FAM81A: variants seen among roughly 807,000 people sequenced by gnomAD.
FAM81A encodes protein FAM81A.
In FAM81A, 19 loss-of-function variants were observed where a neutral mutation model predicts 46.7. That is an observed-to-expected ratio of 0.41 (90% CI 0.28 to 0.60). The LOEUF (loss-of-function observed/expected upper bound fraction) is 0.60. Among genes scored for constraint, FAM81A ranks in the 20% least tolerant of loss-of-function variants. The probability of loss-of-function intolerance (pLI) is 0.34; values close to 1 mark genes in which losing one functional copy is unlikely to be tolerated. For missense variants in FAM81A, 377 were observed against 453.5 expected (o/e 0.83, Z 1.53); for synonymous variants, 183 against 152.9 (o/e 1.20, Z -1.45).
At position 59,521,126 on chromosome 15, in the gene FAM81A, T is replaced by C. The variant is rs962782060; in HGVS notation, c.983-128T>C. ...GAAACTCACCTGTTCCCCATCATAC[T>C]TTCATCCCAGAGGTTTTAGCATCTA... On this transcript the variant is annotated intron_variant, in intron 8 of 8. Coordinates refer to ENST00000288228, the MANE Select transcript of FAM81A (RefSeq NM_152450.3). The C allele has an allele frequency of 3.8e-6, 4 of 1,062,850 alleles. No homozygotes were observed. In the East Asian group the frequency reaches 8.5e-5, roughly 22 times the overall value. The allele number at this position is 1,062,850 out of a possible 1,614,324, so 65.8% of individuals were successfully genotyped here.
intron 2 of FAM81A, among the ~76,000 whole-genome samples, chr15:59,428,404 T>G (rs2081204235): frequency 7.1e-6 from 1 of 141,432 alleles, no homozygotes; most frequent in South Asian, 2.3e-4. Flanking sequence ...GTCCTGAGAA[T>G]TCTTTTTGAT....
At chr15:59,462,158 A>G (rs1407104783) in intron 3 of FAM81A, among the ~76,000 whole-genome samples, 3 of 150,450 alleles carry the variant, frequency 2.0e-5, no homozygotes, top group African/African-American at 7.4e-5. Flanking sequence ...AGCCAAGACC[A>G]TGCCACTGCC....
chr15:59,447,683 T>C (rs570357888), intron 1 of FAM81A, among the ~76,000 whole-genome samples: 1 of 152,176 alleles, frequency 6.6e-6, no homozygotes, highest in Non-Finnish European at 1.5e-5. Context: ...ACAGCCCTCT[T>C]CCTCCTTCTT....
chr15:59,477,877 G>A (rs1044361276), intron 3 of FAM81A, among the ~76,000 whole-genome samples: 5 of 152,136 alleles, frequency 3.3e-5, no homozygotes, highest in South Asian at 2.1e-4. Flanking sequence ...GTCTGTTAGC[G>A]GTTTGCCTTG....
intron 2 of FAM81A, among the ~76,000 whole-genome samples, chr15:59,423,951 T>C (rs1462209701): frequency 6.6e-6 from 1 of 152,224 alleles, no homozygotes; most frequent in Non-Finnish European, 1.5e-5. Flanking sequence ...ACATCATTTC[T>C]TTCTGGCTAC....
intron 1 of FAM81A, chr15:59,439,123 T>G (rs1267563080): frequency 6.6e-6 from 1 of 152,048 alleles, no homozygotes; most frequent in Non-Finnish European, 1.5e-5. Flanking sequence ...CGTGTGTGTG[T>G]GTGCGTGTGT....
intron 1 of FAM81A, chr15:59,446,726 G>A (rs2081357667): frequency 6.6e-6 from 1 of 152,136 alleles, no homozygotes; most frequent in Admixed American, 6.5e-5. Flanking sequence ...ATACTGTGCT[G>A]GCATCACTCC....
intron 2 of FAM81A, among the ~76,000 whole-genome samples, chr15:59,425,871 T>G (rs2081192604): frequency 6.6e-6 from 1 of 152,232 alleles, no homozygotes; most frequent in African/African-American, 2.4e-5. Flanking sequence ...GCGATCCTCC[T>G]GTCTTGGCCT....
Position 59,523,350 on chromosome 15 carries a change from C to G in FAM81A, c.*1972C>G, listed in dbSNP as rs529812360. ...TGATGCCCCGCTGTGCCTCCCAGAC[C>G]GATTAAGTCAGAACCTCTGGGAGGT... On this transcript the variant is annotated 3_prime_UTR_variant, in exon 9 of 9. Transcript: ENST00000288228. 1 of 152,198 alleles carries G rather than the reference C, an allele frequency of 6.6e-6. No homozygotes were observed. The highest frequency in any genetic ancestry group is 2.4e-5 in the African/African-American group (1 of 41,428). The allele number at this position is 152,198 out of a possible 1,614,324, so 9.4% of individuals were successfully genotyped here.
intron 2 of FAM81A, among the ~76,000 whole-genome samples, chr15:59,419,327 T>C (rs1366738714): frequency 6.6e-6 from 1 of 152,196 alleles, no homozygotes; most frequent in Non-Finnish European, 1.5e-5. Context: ...CAATAAGAGA[T>C]ATTAAATAAC....
intron 4 of FAM81A, among the ~76,000 whole-genome samples, chr15:59,503,803 C>A (rs1596537310): frequency 6.6e-6 from 1 of 152,236 alleles, no homozygotes; most frequent in East Asian, 1.9e-4. Flanking sequence ...AAACTCCTGG[C>A]CTCAAGTGAT....
intron 3 of FAM81A, among the ~76,000 whole-genome samples, chr15:59,490,697 A>G (rs567521080): frequency 7.9e-5 from 12 of 152,206 alleles, no homozygotes; most frequent in African/African-American, 2.6e-4. Flanking sequence ...TTAGCCTGGC[A>G]TGGTGATGCA....
At chr15:59,472,306 C>A (rs2081703934) in intron 3 of FAM81A, among the ~76,000 whole-genome samples, 1 of 152,056 alleles carries the variant, frequency 6.6e-6, no homozygotes, top group Non-Finnish European at 1.5e-5. Context: ...CCGGGGTACT[C>A]CAGCATGGGT....
In FAM81A at chr15:59,460,308, AT is replaced by A; in HGVS notation, c.294+105del. 6.9e-7 allele frequency: 1 copy of A among 1,443,842 alleles called. No homozygotes were observed. Among genetic ancestry groups the A allele is most frequent in the Non-Finnish European group, 9.7e-7 (1 of 1,029,532 alleles). The allele number at this position is 1,443,842 out of a possible 1,614,324, so 89.4% of individuals were successfully genotyped here. A position where few individuals can be genotyped will look rare whatever the true frequency, so the allele number is the denominator to read the frequency against. On this transcript the variant is annotated intron_variant, in intron 3 of 8. Coordinates refer to ENST00000288228, the MANE Select transcript of FAM81A (RefSeq NM_152450.3). The surrounding 1 kb of genome is among the most constrained non-coding windows in gnomAD (Gnocchi z 4.4). ...ACTCCTACCTCCCAGGCAGTACTGC[AT>A]TTAGAACAAAGCTGTCTGTCTTGTC...
intron 2 of FAM81A, among the ~76,000 whole-genome samples, chr15:59,431,902 C>T (rs1299506268): frequency 1.3e-5 from 2 of 152,182 alleles, no homozygotes; most frequent in African/African-American, 4.8e-5. Flanking sequence ...GAGAATCCTG[C>T]AACCCTTTCA....
At chr15:59,444,508 C>G (rs1190036638) in intron 1 of FAM81A, among the ~76,000 whole-genome samples, 1 of 152,190 alleles carries the variant, frequency 6.6e-6, no homozygotes, top group Middle Eastern at 3.4e-3. Context: ...TAAAAATGGC[C>G]CATCTAGTTC....
chr15:59,517,110 G>C (rs1021671901), intron 8 of FAM81A, among the ~76,000 whole-genome samples: 2 of 151,914 alleles, frequency 1.3e-5, no homozygotes, highest in Non-Finnish European at 2.9e-5. Flanking sequence ...CAGCACCATC[G>C]GCCAATTCTT....
chr15:59,407,546 C>T (rs528270458), intron 2 of FAM81A: 43 of 154,836 alleles, frequency 2.8e-4, no homozygotes, highest in South Asian at 1.7e-3. Flanking sequence ...CTGCCTGCCT[C>T]GGCCTCCCAA....
In FAM81A at chr15:59,460,740, G is replaced by A; in HGVS notation, c.294+534G>A. 5.1e-6 allele frequency: 1 copy of A among 194,972 alleles called. No individual in the cohort carries two copies. The highest frequency in any genetic ancestry group is 1.3e-4 in the East Asian group (1 of 7,498). The allele number at this position is 194,972 out of a possible 1,614,324, so 12.1% of individuals were successfully genotyped here. A position where few individuals can be genotyped will look rare whatever the true frequency, so the allele number is the denominator to read the frequency against. On this transcript the variant is annotated intron_variant, in intron 3 of 8. Transcript: ENST00000288228. The surrounding 1 kb of genome is among the most constrained non-coding windows in gnomAD (Gnocchi z 4.4). ...GCCAATATTGTCTATTTTTAGAATT[G>A]GTAGATTTACTGCTATTTATTGAGC... is the stretch of plus-strand genomic sequence containing the variant.
Sources: gnomAD v4.1 joint callset for allele counts (sites outside exome capture counted in the v4.1 genomes callset) on GRCh38, gnomAD v4.1.1 for gene constraint, Gnocchi (gnomAD v3.1) non-coding constraint, MANE v1.5 for transcripts, NCBI Gene and HGNC (gene_info 2026-07-23, HGNC 2026-07-21) for gene names.